The following NEMP2 variants were observed in gnomAD, a reference collection of about 807,000 sequenced individuals.
NEMP2 encodes UPF0571 transmembrane protein.
A neutral mutation model predicts 54.2 loss-of-function variants in NEMP2; 53 were observed. The observed-to-expected ratio is 0.98, with a 90% CI of 0.78 to 1.23. NEMP2 has a LOEUF of 1.23. Among genes scored for constraint, NEMP2 ranks in the 50% most tolerant of loss-of-function variants. NEMP2 has a pLI of 0.00. For missense variants in NEMP2, 455 were observed against 511.3 expected, an observed-to-expected ratio of 0.89 and a Z score of 1.06; for synonymous variants, 197 against 190.3, an observed-to-expected ratio of 1.04 and a Z score of -0.29.
the NEMP2 span, among the ~76,000 whole-genome samples, chr2:190,496,342 G>A: frequency 6.6e-6 from 1 of 152,146 alleles, no homozygotes; most frequent in Non-Finnish European, 1.5e-5. This position sits in a 1 kb window ranked among gnomAD's most constrained non-coding sequence, Gnocchi z 4.7. Context: ...ATTGATGTTG[G>A]TGTGGATGTA....
the NEMP2 span, among the ~76,000 whole-genome samples, chr2:190,601,716 C>G: frequency 1.3e-5 from 2 of 152,144 alleles, no homozygotes; most frequent in African/African-American, 4.8e-5. The surrounding 1 kb of genome is among the most constrained non-coding windows in gnomAD (Gnocchi z 5.8). Context: ...ATCTGTTTCT[C>G]CAGGTACCAG....
At chr2:190,446,374 G>C in the NEMP2 span, among the ~76,000 whole-genome samples, 1 of 152,188 alleles carries the variant, frequency 6.6e-6, no homozygotes, top group African/African-American at 2.4e-5. Flanking sequence ...CTGCCTGCCA[G>C]AGTGTTCTGT....
Position 190,506,776 on chromosome 2 carries a change from CAACAGTA to C in NEMP2, c.*2406_*2412del, listed in dbSNP as rs1264072510. On this transcript the variant is annotated 3_prime_UTR_variant, in exon 9 of 9. Coordinates refer to ENST00000409150, the MANE Select transcript of NEMP2 (RefSeq NM_001142645.2). The surrounding 1 kb of genome is among the most constrained non-coding windows in gnomAD (Gnocchi z 6.3). The stretch of plus-strand genomic sequence containing the variant: ...GGTGTCAAAGAGTTCAACTTGCTAA[CAACAGTA>C]AGCTTTTGTAGGCACCAAGCATAAG... The C allele has an allele frequency of 6.6e-6, 1 of 152,200 alleles. No individual in the cohort carries two copies. The highest frequency in any genetic ancestry group is 2.4e-5 in the African/African-American group (1 of 41,424). 9.4% of individuals were successfully genotyped at this position (152,200 alleles called of 1,614,324 possible). A position where few individuals can be genotyped will look rare whatever the true frequency, so the allele number is the denominator to read the frequency against.
the NEMP2 span, among the ~76,000 whole-genome samples, chr2:190,447,154 G>GCGC: frequency 1.6e-3 from 239 of 152,324 alleles, 1 homozygote; most frequent in African/African-American, 5.6e-3. The surrounding 1 kb of genome is among the most constrained non-coding windows in gnomAD (Gnocchi z 4.5). Flanking sequence ...CACTCAAGGT[G>GCGC]TCTGACATGG....
At chr2:190,498,051 A>G in the NEMP2 span, 1,506 of 206,148 alleles carry the variant, frequency 7.3e-3, 14 homozygotes, top group Middle Eastern at 0.034. The surrounding 1 kb of genome is among the most constrained non-coding windows in gnomAD (Gnocchi z 5.9). Context: ...TGTAATTCCA[A>G]AATTCTAGTG....
the NEMP2 span, chr2:190,648,518 T>TGG: frequency 9.8e-6 from 1 of 101,820 alleles, no homozygotes; most frequent in East Asian, 3.1e-4. Flanking sequence ...GCGCTGTTGT[T>TGG]TTTTTTTTTT....
chr2:190,602,323 C>T, the NEMP2 span, among the ~76,000 whole-genome samples: 65 of 152,270 alleles, frequency 4.3e-4, no homozygotes, highest in African/African-American at 1.4e-3. Context: ...AGGCTGGAAA[C>T]GCAGGCAGCA....
At chr2:190,429,606 C>T in the NEMP2 span, among the ~76,000 whole-genome samples, 139 of 152,268 alleles carry the variant, frequency 9.1e-4, no homozygotes, top group African/African-American at 3.2e-3. Context: ...TGAGCTACTG[C>T]ACCTAGCCAG....
At chr2:190,536,942 A>G (rs1204956575), upstream of NEMP2, among the ~76,000 whole-genome samples, 1 of 152,210 alleles carries the variant, frequency 6.6e-6, no homozygotes, top group Non-Finnish European at 1.5e-5. Flanking sequence ...TATTTACCTC[A>G]GTTGTTACTA....
chr2:190,631,979 T>G, the NEMP2 span, among the ~76,000 whole-genome samples: 21 of 152,010 alleles, frequency 1.4e-4, no homozygotes, highest in African/African-American at 5.1e-4. Flanking sequence ...TCACCTGAGC[T>G]CAGGAGGTAG....
the NEMP2 span, among the ~76,000 whole-genome samples, chr2:190,599,036 T>TG: frequency 6.6e-6 from 1 of 152,310 alleles, no homozygotes; most frequent in African/African-American, 2.4e-5. Context: ...ACAAGGAGTA[T>TG]GGGCCAGGAC....
the NEMP2 span, among the ~76,000 whole-genome samples, chr2:190,486,578 CTTG>C: frequency 6.6e-6 from 1 of 152,170 alleles, no homozygotes; most frequent in African/African-American, 2.4e-5. Context: ...GATCACTGTC[CTTG>C]TTGCTGATGT....
the NEMP2 span, among the ~76,000 whole-genome samples, chr2:190,480,380 ATAGT>A: frequency 0.3 from 45,086 of 151,864 alleles, 7,378 homozygotes; most frequent in East Asian, 0.46. Flanking sequence ...ATCATGTACT[ATAGT>A]TAGTAGTTTA....
chr2:190,501,361 C>CA (rs1690014445), downstream of NEMP2: 1 of 152,174 alleles, frequency 6.6e-6, no homozygotes, highest in Non-Finnish European at 1.5e-5. Flanking sequence ...AAGACACAGT[C>CA]AGACACTGGA....
chr2:190,544,072 AT>A, the NEMP2 span, among the ~76,000 whole-genome samples: 4 of 152,184 alleles, frequency 2.6e-5, no homozygotes, highest in African/African-American at 9.7e-5. Flanking sequence ...TACTGCAATA[AT>A]ACCAGCCAAT....
the NEMP2 span, among the ~76,000 whole-genome samples, chr2:190,605,874 T>C: frequency 6.6e-6 from 1 of 152,360 alleles, no homozygotes; most frequent in South Asian, 2.1e-4. Flanking sequence ...CACATACCGT[T>C]GTGCTTGGAG....
At chr2:190,524,627 T>C (rs951389507) in intron 2 of NEMP2, among the ~76,000 whole-genome samples, 2 of 152,164 alleles carry the variant, frequency 1.3e-5, no homozygotes, top group African/African-American at 4.8e-5. Context: ...TGCTCCCACT[T>C]CTCTCATCCC....
At chr2:190,595,958 A>C in the NEMP2 span, among the ~76,000 whole-genome samples, 4 of 152,354 alleles carry the variant, frequency 2.6e-5, no homozygotes, top group African/African-American at 9.6e-5. The surrounding 1 kb of genome is among the most constrained non-coding windows in gnomAD (Gnocchi z 4.0). Flanking sequence ...ACATATGTTT[A>C]CTGCAGCACT....
chr2:190,433,684 A>T, the NEMP2 span, among the ~76,000 whole-genome samples: 1 of 152,236 alleles, frequency 6.6e-6, no homozygotes, highest in Non-Finnish European at 1.5e-5. This position sits in a 1 kb window ranked among gnomAD's most constrained non-coding sequence, Gnocchi z 4.5. Context: ...CTACATTGAC[A>T]TCTGGCTTTT....
Sources: allele counts gnomAD v4.1 joint callset (sites outside exome capture counted in the v4.1 genomes callset), GRCh38; gene constraint gnomAD v4.1.1; non-coding constraint Gnocchi (gnomAD v3.1); transcripts MANE v1.5; gene names NCBI Gene and HGNC (gene_info 2026-07-23, HGNC 2026-07-21).